The following RASEF variants were observed in gnomAD, a reference collection of about 807,000 sequenced individuals.
The protein encoded by RASEF is ras and EF-hand domain-containing protein.
Under a neutral mutation model 90.1 loss-of-function variants are expected in RASEF, and 68 were observed. That is an observed-to-expected ratio of 0.75 (90% CI 0.62 to 0.92). The LOEUF is 0.92. Ranked by LOEUF, RASEF falls within the 40% of genes least tolerant of loss-of-function variation. RASEF has a pLI of 0.00. For missense variants in RASEF, 949 were observed against 937.2 expected (o/e 1.01, Z -0.16); for synonymous variants, 331 against 345.2 (o/e 0.96, Z 0.46).
chr9:83,110,224 T>C, the RASEF span, among the ~76,000 whole-genome samples: 28 of 152,050 alleles, frequency 1.8e-4, no homozygotes, highest in South Asian at 5.6e-3. Context: ...CCAAAGAAAC[T>C]CAAAAGAATA....
the RASEF span, among the ~76,000 whole-genome samples, chr9:83,130,327 T>C: frequency 6.6e-6 from 1 of 152,220 alleles, no homozygotes; most frequent in Non-Finnish European, 1.5e-5. Flanking sequence ...CATAAACCTT[T>C]AGCCCCCACA....
chr9:83,193,980 T>C, the RASEF span, among the ~76,000 whole-genome samples: 1 of 152,184 alleles, frequency 6.6e-6, no homozygotes, highest in Non-Finnish European at 1.5e-5. Context: ...CTTTTTGTAA[T>C]AAACTTTTTC....
intron 1 of RASEF, among the ~76,000 whole-genome samples, chr9:83,056,257 C>T (rs1270734882): frequency 6.6e-6 from 1 of 152,166 alleles, no homozygotes; most frequent in Non-Finnish European, 1.5e-5. Context: ...TAAAGAAATC[C>T]TATGTGTCAT....
At chr9:83,053,806 C>T (rs1830060022) in intron 1 of RASEF, among the ~76,000 whole-genome samples, 1 of 129,320 alleles carries the variant, frequency 7.7e-6, no homozygotes, top group Non-Finnish European at 1.6e-5. Context: ...ACTTATGAAG[C>T]TTAGTTTGGC....
At chr9:83,213,207 C>T in the RASEF span, among the ~76,000 whole-genome samples, 1 of 151,724 alleles carries the variant, frequency 6.6e-6, no homozygotes, top group East Asian at 1.9e-4. Context: ...CGAGACCAGC[C>T]TGGCCAACAT....
chr9:83,133,833 G>C, the RASEF span, among the ~76,000 whole-genome samples: 1 of 152,050 alleles, frequency 6.6e-6, no homozygotes, highest in Non-Finnish European at 1.5e-5. Context: ...GGCTCAGAAT[G>C]GTGCTCTTAC....
intron 6 of RASEF, 35 bp from the exon 7 acceptor site, chr9:83,007,540 A>C (rs373012843): frequency 9.3e-6 from 14 of 1,503,584 alleles, no homozygotes; most frequent in African/African-American, 1.4e-5. Context: ...AGTGAGAATT[A>C]GGTGTCAAGT....
Position 83,001,275 on chromosome 9 carries a change from G to C in RASEF, c.1203-145C>G, listed in dbSNP as rs1180786366. Reference sequence around the variant, plus strand: ...TGTTATTTCATGATTAGGCATTAGGGGAAATAAAATGCTCAAAGCACCATC... The same window carrying C: ...TGTTATTTCATGATTAGGCATTAGGCGAAATAAAATGCTCAAAGCACCATC... On this transcript the variant is annotated intron_variant, in intron 9 of 16. Transcript: ENST00000376447. 1.3e-5 allele frequency: 8 copies of C among 605,658 alleles called. No individual in the cohort carries two copies. In the East Asian group the frequency reaches 2.2e-4, roughly 17 times the overall value. 37.5% of individuals were successfully genotyped at this position (605,658 alleles called of 1,614,324 possible).
At chr9:83,158,455 C>G in the RASEF span, among the ~76,000 whole-genome samples, 1 of 146,260 alleles carries the variant, frequency 6.8e-6, no homozygotes, top group Non-Finnish European at 1.5e-5. Context: ...GGTTGTAGTA[C>G]AAACATAGTG....
At chr9:83,168,364 T>A in the RASEF span, among the ~76,000 whole-genome samples, 4 of 152,158 alleles carry the variant, frequency 2.6e-5, no homozygotes, top group Non-Finnish European at 4.4e-5. Flanking sequence ...GTGGTTTTTT[T>A]ATTTTTATGG....
the RASEF span, among the ~76,000 whole-genome samples, chr9:83,180,675 G>T: frequency 6.6e-6 from 1 of 151,970 alleles, no homozygotes; most frequent in Non-Finnish European, 1.5e-5. Context: ...TTAATGTTCT[G>T]TTCAATTTTA....
chr9:83,059,491 T>C (rs1387794966), intron 1 of RASEF, among the ~76,000 whole-genome samples: 1 of 152,202 alleles, frequency 6.6e-6, no homozygotes, highest in Non-Finnish European at 1.5e-5. Context: ...ATTCTATTCA[T>C]TTGGCAAACA....
chr9:83,099,048 A>G, the RASEF span, among the ~76,000 whole-genome samples: 11 of 152,140 alleles, frequency 7.2e-5, no homozygotes, highest in African/African-American at 2.4e-4. Flanking sequence ...GGATAATCAA[A>G]TCCTCTATAT....
chr9:83,065,789 A>C (rs1830277661), upstream of RASEF, among the ~76,000 whole-genome samples: 1 of 152,190 alleles, frequency 6.6e-6, no homozygotes, highest in Admixed American at 6.5e-5. Flanking sequence ...ATTCTCAATC[A>C]GTCAACAATT....
the RASEF span, among the ~76,000 whole-genome samples, chr9:83,159,168 A>T: frequency 6.8e-6 from 1 of 146,200 alleles, no homozygotes; most frequent in Non-Finnish European, 1.5e-5. Context: ...CCTGGGCGAC[A>T]GAGCGAGACT....
At chr9:83,048,626 T>C (rs1326801257) in intron 1 of RASEF, 2 of 985,422 alleles carry the variant, frequency 2.0e-6, no homozygotes, top group Non-Finnish European at 2.4e-6. Context: ...GTTTCTTCTG[T>C]GGGAAAATAA....
At chr9:83,159,135 A>G in the RASEF span, among the ~76,000 whole-genome samples, 5 of 151,286 alleles carry the variant, frequency 3.3e-5, no homozygotes, top group Non-Finnish European at 7.4e-5. Context: ...GCAGTGAGCC[A>G]AGATCACGCC....
At chr9:82,985,482 C>G (rs975322549) in intron 16 of RASEF, among the ~76,000 whole-genome samples, 18 of 152,224 alleles carry the variant, frequency 1.2e-4, no homozygotes, top group Admixed American at 8.5e-4. Flanking sequence ...TGGGTGGGGA[C>G]ACAGCCAAAC....
the RASEF span, among the ~76,000 whole-genome samples, chr9:83,090,280 G>T: frequency 6.4e-3 from 966 of 151,926 alleles, 12 homozygotes; most frequent in African/African-American, 0.022. Flanking sequence ...CTTTATTTAG[G>T]TCTTTTAACA....
Sources: gnomAD v4.1 joint callset for allele counts (sites outside exome capture counted in the v4.1 genomes callset) on GRCh38, gnomAD v4.1.1 for gene constraint, MANE v1.5 for transcripts, NCBI Gene and HGNC (gene_info 2026-07-23, HGNC 2026-07-21) for gene names.